Variants in DIP2C observed in about 807,000 individuals in gnomAD.
DIP2C encodes the protein disco-interacting protein 2 homolog C.
A neutral mutation model predicts 192.4 loss-of-function variants in DIP2C; 33 were observed. That is an observed-to-expected ratio of 0.17 (90% confidence interval 0.13 to 0.23). DIP2C has a LOEUF of 0.23. DIP2C is among the 10% of genes least tolerant of loss of function. The probability of loss-of-function intolerance (pLI) is 1.00; values close to 1 mark genes in which losing one functional copy is unlikely to be tolerated. For synonymous variants in DIP2C, 979 were observed against 864.1 expected (o/e 1.13, Z -2.33); for missense variants, 1,537 against 2,110.1 (o/e 0.73, Z 5.32).
At chr10:552,561 A>G (rs1848643332) in intron 1 of DIP2C, among the ~76,000 whole-genome samples, 1 of 152,246 alleles carries the variant, frequency 6.6e-6, no homozygotes, top group South Asian at 2.1e-4. Flanking sequence ...AAAAAGTGAC[A>G]AACACCTGGC....
Position 477,823 on chromosome 10 carries a change from G to A in DIP2C, c.158-5274C>T, listed in dbSNP as rs532445655. On this transcript the variant is annotated intron_variant, in intron 2 of 36. Transcript: ENST00000280886. ...GGAAGGAAAGAGAAGGAAAACAAGAGAGAAGGAGAAGGGAGAAAGAAAAAA... is the reference window on the plus strand; with the variant it reads ...GGAAGGAAAGAGAAGGAAAACAAGAAAGAAGGAGAAGGGAGAAAGAAAAAA... Among the ~76,000 whole-genome samples the A allele has an allele frequency of 8.3e-4, 112 of 135,670 alleles. 4 individuals are homozygous for A. In the East Asian group the frequency reaches 0.018, roughly 22 times the overall value. The allele number at this position is 135,670 out of a possible 152,430, so 89.0% of individuals were successfully genotyped here.
At position 527,690 on chromosome 10, in the gene DIP2C, A is replaced by G. The variant is rs181377332; in HGVS notation, c.86-41160T>C. On this transcript the variant is annotated intron_variant, in intron 1 of 36. Coordinates refer to ENST00000280886, the MANE Select transcript of DIP2C (RefSeq NM_014974.3). ...CAGTTTGTAGGACTTCTAAAACTTG[A>G]CATAAATGTTGGCTAAGGGATACAA... Among the ~76,000 whole-genome samples the G allele has an allele frequency of 2.5e-3, 381 of 152,338 alleles. 1 individual carries two copies. The highest frequency in any genetic ancestry group is 8.9e-3 in the South Asian group (43 of 4,830).
At chr10:577,344 G>A (rs1194036058) in intron 1 of DIP2C, among the ~76,000 whole-genome samples, 1 of 152,208 alleles carries the variant, frequency 6.6e-6, no homozygotes, top group Non-Finnish European at 1.5e-5. Context: ...ACTGTAACTA[G>A]AAATAAAGGC....
At chr10:419,237 T>TG (rs771877760) in intron 5 of DIP2C, 38 bp from the exon 6 acceptor site, 9 of 1,613,326 alleles carry the variant, frequency 5.6e-6, no homozygotes, top group Non-Finnish European at 7.6e-6. Context: ...CTGGTGGTTG[T>TG]GATGTTTGCT....
At chr10:560,647 A>G (rs1032226067) in intron 1 of DIP2C, among the ~76,000 whole-genome samples, 4 of 152,236 alleles carry the variant, frequency 2.6e-5, no homozygotes, top group African/African-American at 9.6e-5. Context: ...TGCTAATAAA[A>G]TATTAATTAC....
At chr10:583,674 C>T (rs1051508809) in intron 1 of DIP2C, among the ~76,000 whole-genome samples, 19 of 152,198 alleles carry the variant, frequency 1.2e-4, no homozygotes, top group African/African-American at 3.9e-4. Flanking sequence ...TCTCAGCCAG[C>T]GCTCAACAGC....
Position 419,197 on chromosome 10 carries a change from T to A in DIP2C, c.607A>T (p.Asn203Tyr). Reference sequence around the variant, plus strand: ...GTTACGTCAGGAGGTGCAGAATGATTTTCTGTAAAGAAACACATCATGAGA... The same window carrying A: ...GTTACGTCAGGAGGTGCAGAATGATATTCTGTAAAGAAACACATCATGAGA... ...ADVMAQTHIENHSAPPDVTTY... is the reference protein window; with the variant it reads ...ADVMAQTHIEYHSAPPDVTTY... Residue 203 changes from asparagine to tyrosine, a missense_variant and splice_region_variant, in exon 6 of 37, where the codon AAT becomes TAT. Coordinates refer to ENST00000280886, the MANE Select transcript of DIP2C (RefSeq NM_014974.3). The A allele has an allele frequency of 6.2e-7, 1 of 1,614,210 alleles. No individual in the cohort carries two copies. Among genetic ancestry groups the A allele is most frequent in the Non-Finnish European group, 8.5e-7 (1 of 1,180,032 alleles).
At chr10:527,529 AGTTT>A (rs1414772447) in intron 1 of DIP2C, among the ~76,000 whole-genome samples, 1 of 152,228 alleles carries the variant, frequency 6.6e-6, no homozygotes, top group Non-Finnish European at 1.5e-5. Context: ...TAGCAGCAAG[AGTTT>A]GTTGAAAGTA....
At chr10:648,810 GA>G (rs1432528052) in intron 1 of DIP2C, among the ~76,000 whole-genome samples, 3 of 148,192 alleles carry the variant, frequency 2.0e-5, no homozygotes, top group Non-Finnish European at 3.0e-5. Context: ...AGAACAGAGG[GA>G]AACTGAGTCC....
intron 31 of DIP2C, among the ~76,000 whole-genome samples, chr10:320,525 AT>A (rs1218313684): frequency 6.6e-6 from 1 of 151,286 alleles, no homozygotes; most frequent in Non-Finnish European, 1.5e-5. Context: ...AAAAAAAAAA[AT>A]CAAGTATCAG....
intron 1 of DIP2C, among the ~76,000 whole-genome samples, chr10:527,713 C>T (rs185539078): frequency 6.6e-6 from 1 of 152,292 alleles, no homozygotes; most frequent in South Asian, 2.1e-4. Flanking sequence ...CTAAGGGATA[C>T]AAGATGTTAT....
Position 277,716 on chromosome 10 carries a change from C to A in DIP2C, c.4419-139G>T. The A allele has an allele frequency of 4.3e-6, 5 of 1,174,818 alleles. No homozygotes were observed. The South Asian group carries it at 8.0e-5, about 19-fold the overall frequency. The allele number at this position is 1,174,818 out of a possible 1,614,324, so 72.8% of individuals were successfully genotyped here. A position where few individuals can be genotyped will look rare whatever the true frequency, so the allele number is the denominator to read the frequency against. On this transcript the variant is annotated intron_variant, in intron 36 of 36. Coordinates refer to ENST00000280886, the MANE Select transcript of DIP2C (RefSeq NM_014974.3). ...TCTCCTCCGGCCTCTCCACGTCCTC[C>A]GTCTGCCGCCCACTAATCGTTCCCC... is the stretch of plus-strand genomic sequence containing the variant.
At chr10:298,564 G>A (rs1489302343) in intron 32 of DIP2C, among the ~76,000 whole-genome samples, 3 of 152,206 alleles carry the variant, frequency 2.0e-5, no homozygotes, top group African/African-American at 7.2e-5. Flanking sequence ...CTCATGGAGG[G>A]CACAGCCTCC....
intron 31 of DIP2C, among the ~76,000 whole-genome samples, chr10:313,297 C>G (rs1956637375): frequency 6.6e-6 from 1 of 152,108 alleles, no homozygotes; most frequent in African/African-American, 2.4e-5. Context: ...TAACCCATTC[C>G]AACTAAAGCT....
At chr10:554,207 C>A (rs1425823307) in intron 1 of DIP2C, among the ~76,000 whole-genome samples, 1 of 151,978 alleles carries the variant, frequency 6.6e-6, no homozygotes, top group Non-Finnish European at 1.5e-5. Flanking sequence ...AAAGGTATAG[C>A]TTGTAACTAA....
chr10:656,586 C>T (rs962501893), intron 1 of DIP2C, among the ~76,000 whole-genome samples: 1 of 152,216 alleles, frequency 6.6e-6, no homozygotes, highest in African/African-American at 2.4e-5. Flanking sequence ...CTCTATGATT[C>T]TATCAATACG....
In DIP2C at chr10:363,299, G is replaced by T; in HGVS notation, c.2490C>A (p.Phe830Leu). 1 of 1,611,354 alleles carries T rather than the reference G, an allele frequency of 6.2e-7. No homozygotes were observed. The change falls in exon 21 of 37, where the codon TTC becomes TTA. Residue 830 changes from phenylalanine (F) to leucine (L), a missense_variant. By Grantham distance (22) the Phe-to-Leu change is conservative. Transcript: ENST00000280886. This position sits in a 1 kb window ranked among gnomAD's most constrained non-coding sequence, Gnocchi z 5.4. ...KFVYRGRIAV[F>L]SVTVLHDERI... ...TCTCGTCGTGCAGCACGGTCACCGA[G>T]AACACGGCTATCCTGCGGGGACACA...
intron 32 of DIP2C, among the ~76,000 whole-genome samples, chr10:296,297 T>G (rs145186362): frequency 1.5e-4 from 23 of 152,306 alleles, no homozygotes; most frequent in East Asian, 1.3e-3. Flanking sequence ...AATTTTTGTA[T>G]AAGCTGTAAT....
At chr10:399,005 C>T in intron 10 of DIP2C, 104 bp downstream of exon 10, 2 of 992,060 alleles carry the variant, frequency 2.0e-6, no homozygotes, top group Non-Finnish European at 3.0e-6. Context: ...CGAAGGAAAC[C>T]CAGGGCCCCA....
Sources: gnomAD v4.1 joint callset for allele counts (sites outside exome capture counted in the v4.1 genomes callset) on GRCh38, gnomAD v4.1.1 for gene constraint, Gnocchi (gnomAD v3.1) non-coding constraint, MANE v1.5 for transcripts, NCBI Gene and HGNC (gene_info 2026-07-23, HGNC 2026-07-21) for gene names.